Variants in ECHDC1 observed in about 807,000 individuals in gnomAD.
ECHDC1 encodes ethylmalonyl-CoA decarboxylase.
A neutral mutation model predicts 29.7 loss-of-function variants in ECHDC1; 29 were observed. The ratio of observed to expected loss-of-function variants is 0.98; its 90% confidence interval spans 0.73 to 1.33. ECHDC1 has a LOEUF of 1.33. Ranked by LOEUF, ECHDC1 falls within the 40% of genes most tolerant of loss-of-function variation. The pLI, the probability that ECHDC1 is intolerant of heterozygous loss-of-function variation, is 0.00. For missense variants in ECHDC1, 328 were observed against 350.0 expected (o/e 0.94, Z 0.50); for synonymous variants, 126 against 123.1 (o/e 1.02, Z -0.15).
intron 5 of ECHDC1, among the ~76,000 whole-genome samples, chr6:127,298,231 A>T (rs1451560102): frequency 6.6e-6 from 1 of 152,198 alleles, no homozygotes; most frequent in African/African-American, 2.4e-5. Context: ...AATTATTTCA[A>T]AATTAAAAAT....
intron 5 of ECHDC1, among the ~76,000 whole-genome samples, chr6:127,306,986 C>T (rs77952725): frequency 6.6e-6 from 1 of 152,046 alleles, no homozygotes; most frequent in Non-Finnish European, 1.5e-5. Context: ...TCTGTGATCA[C>T]AATGGAAACT....
At chr6:127,314,186 C>G (rs924577943) in intron 5 of ECHDC1, among the ~76,000 whole-genome samples, 2 of 152,088 alleles carry the variant, frequency 1.3e-5, no homozygotes, top group African/African-American at 2.4e-5. Flanking sequence ...TGTTAGTAGG[C>G]CTTGGGAATG....
At chr6:127,328,604 T>C (rs1053175968) in intron 2 of ECHDC1, among the ~76,000 whole-genome samples, 1 of 152,264 alleles carries the variant, frequency 6.6e-6, no homozygotes, top group South Asian at 2.1e-4. Context: ...CTAGATCCTT[T>C]AGAAATATCG....
At chr6:127,334,250 C>CA (rs1784231598) in intron 1 of ECHDC1, among the ~76,000 whole-genome samples, 1 of 152,088 alleles carries the variant, frequency 6.6e-6, no homozygotes, top group South Asian at 2.1e-4. Context: ...ACGTAAAACC[C>CA]ATTACTCCTT....
chr6:127,340,733 GC>G (rs1173165055), intron 1 of ECHDC1, among the ~76,000 whole-genome samples: 4 of 113,204 alleles, frequency 3.5e-5, no homozygotes, highest in Non-Finnish European at 5.6e-5. Flanking sequence ...TTAGATAGTT[GC>G]TTTAAAAGTT....
chr6:127,302,968 T>TA (rs895029723), intron 5 of ECHDC1, among the ~76,000 whole-genome samples: 1 of 152,168 alleles, frequency 6.6e-6, no homozygotes, highest in African/African-American at 2.4e-5. Context: ...AACTTTTTTT[T>TA]ATTGTGCATA....
At chr6:127,290,938 G>A (rs1420000635) in intron 5 of ECHDC1, among the ~76,000 whole-genome samples, 1 of 151,990 alleles carries the variant, frequency 6.6e-6, no homozygotes, top group Non-Finnish European at 1.5e-5. Context: ...TGCTATTTTC[G>A]ATGAAGAAGG....
At chr6:127,330,134 C>T (rs1465422455) in intron 2 of ECHDC1, among the ~76,000 whole-genome samples, 1 of 152,208 alleles carries the variant, frequency 6.6e-6, no homozygotes, top group South Asian at 2.1e-4. Context: ...AACAAGGCTA[C>T]TCATTAGCTC....
intron 1 of ECHDC1, among the ~76,000 whole-genome samples, chr6:127,339,985 G>A (rs558819058): frequency 5.3e-5 from 8 of 152,246 alleles, no homozygotes; most frequent in African/African-American, 1.7e-4. Context: ...CTCCTCTTCA[G>A]AAAGGGAAGG....
At chr6:127,326,705 TCC>T (rs1200474997) in intron 3 of ECHDC1, 1 of 359,092 alleles carries the variant, frequency 2.8e-6, no homozygotes, top group African/African-American at 2.1e-5. Flanking sequence ...AGAGAGAGAA[TCC>T]CACCCTCCAA....
At chr6:127,319,647 G>A (rs879348577) in intron 3 of ECHDC1, among the ~76,000 whole-genome samples, 9 of 152,192 alleles carry the variant, frequency 5.9e-5, no homozygotes, top group Non-Finnish European at 1.2e-4. Flanking sequence ...CTGTGATAGA[G>A]TAAGCTGTGG....
At chr6:127,294,495 TAA>T (rs1769718559) in intron 5 of ECHDC1, 1 of 152,188 alleles carries the variant, frequency 6.6e-6, no homozygotes. Context: ...ATTCTCCCTA[TAA>T]TCTCACCTTT....
At position 127,330,910 on chromosome 6, in the gene ECHDC1, G is replaced by T; in HGVS notation, c.119C>A (p.Thr40Lys). ...HGFYEEEVKK[T>K]LQQFPGGSID... ...GGATCCACCAGGAAACTGCTGAAGT[G>T]TTTTTTTCACTTCTTCCTCATAAAA... The change falls in exon 2 of 6, where the codon ACA becomes AAA. Residue 40 changes from threonine to lysine, a missense_variant. Transcript: ENST00000454859. The T allele has an allele frequency of 1.9e-6, 3 of 1,613,928 alleles. No homozygotes were observed. Among genetic ancestry groups the T allele is most frequent in the Non-Finnish European group, 2.5e-6 (3 of 1,180,000 alleles).
chr6:127,314,826 A>C lies in ECHDC1; in HGVS notation c.487T>G (p.Cys163Gly), dbSNP rs1782226374. 6.2e-7 allele frequency: 1 copy of C among 1,606,810 alleles called. No individual in the cohort carries two copies. The highest frequency in any genetic ancestry group is 1.3e-5 in the African/African-American group (1 of 74,776). ...AAATTTTCATCCTACCTGAAATCAC[A>C]TGCTGTAGTAAATTCTGCTCCTCCA... ...LGGGAEFTTACDFRLMTPESK... is the reference protein window; with the variant it reads ...LGGGAEFTTAGDFRLMTPESK... The change falls in exon 5 of 6, where the codon TGT becomes GGT. Residue 163 changes from cysteine (C) to glycine (G), a missense_variant. Coordinates refer to ENST00000454859, the MANE Select transcript of ECHDC1 (RefSeq NM_001002030.2).
At chr6:127,292,043 T>G (rs1164384820) in intron 5 of ECHDC1, among the ~76,000 whole-genome samples, 1 of 152,112 alleles carries the variant, frequency 6.6e-6, no homozygotes, top group African/African-American at 2.4e-5. Flanking sequence ...TAATGTCTAA[T>G]ATTCTTAGAA....
chr6:127,331,900 T>C (rs1316971608), intron 1 of ECHDC1: 1 of 984,794 alleles, frequency 1.0e-6, no homozygotes, highest in African/African-American at 1.7e-5. Flanking sequence ...TAGGAATGTG[T>C]GTGTGGTTTT....
At chr6:127,329,810 C>CA (rs1451263840) in intron 2 of ECHDC1, 6 of 412,336 alleles carry the variant, frequency 1.5e-5, no homozygotes, top group African/African-American at 1.0e-4. Flanking sequence ...TAAAATTGCA[C>CA]ATGTGGCTCA....
intron 5 of ECHDC1, chr6:127,313,676 T>A (rs1234627740): frequency 2.3e-6 from 1 of 433,132 alleles, no homozygotes; most frequent in Non-Finnish European, 4.6e-6. Context: ...AATGAATTTT[T>A]AAAAAAATGG....
intron 3 of ECHDC1, among the ~76,000 whole-genome samples, chr6:127,318,544 G>T (rs918829448): frequency 4.6e-5 from 7 of 152,274 alleles, no homozygotes; most frequent in Non-Finnish European, 8.8e-5. Flanking sequence ...CAAAGTACAG[G>T]TATTATACAA....
Sources: gnomAD v4.1 joint callset for allele counts (sites outside exome capture counted in the v4.1 genomes callset) on GRCh38, gnomAD v4.1.1 for gene constraint, MANE v1.5 for transcripts, NCBI Gene and HGNC (gene_info 2026-07-23, HGNC 2026-07-21) for gene names.